Variants in MAP2K1 observed in about 807,000 individuals in gnomAD.
MAP2K1 encodes the protein dual specificity mitogen-activated protein kinase kinase 1.
A neutral mutation model predicts 46.3 loss-of-function variants in MAP2K1; 16 were observed. The ratio of observed to expected loss-of-function variants is 0.35; its 90% CI spans 0.23 to 0.52. The LOEUF (loss-of-function observed/expected upper bound fraction) is 0.52. MAP2K1 is among the 20% of genes least tolerant of loss of function. The probability of loss-of-function intolerance (pLI) is 0.94; values close to 1 mark genes in which losing one functional copy is unlikely to be tolerated. For missense variants in MAP2K1, 263 were observed against 497.1 expected (o/e 0.53, Z 4.48); for synonymous variants, 183 against 185.6 (o/e 0.99, Z 0.11).
At chr15:66,481,360 T>C (rs1233291200) in intron 5 of MAP2K1, among the ~76,000 whole-genome samples, 1 of 152,170 alleles carries the variant, frequency 6.6e-6, no homozygotes, top group Non-Finnish European at 1.5e-5. Flanking sequence ...TATTACTTGT[T>C]TTTTTCTGCC....
Position 66,426,852 on chromosome 15 carries a change from C to A in MAP2K1, c.81-8175C>A, listed in dbSNP as rs573860525. Among the ~76,000 whole-genome samples, 9 of 152,308 alleles carry A rather than the reference C, an allele frequency of 5.9e-5. No individual in the cohort carries two copies. The East Asian group carries it at 1.7e-3, about 29-fold the overall frequency. ...TAAAATTCTCTAATCCTAACATATCCTTCTGTAGTGTTACAAGGATAGAAC... is the reference window on the plus strand; with the variant it reads ...TAAAATTCTCTAATCCTAACATATCATTCTGTAGTGTTACAAGGATAGAAC... On this transcript the variant is annotated intron_variant, in intron 1 of 10. Transcript: ENST00000307102.
At chr15:66,395,177 CTG>C (rs1454299780) in intron 1 of MAP2K1, among the ~76,000 whole-genome samples, 2 of 152,178 alleles carry the variant, frequency 1.3e-5, no homozygotes, top group Non-Finnish European at 2.9e-5. Context: ...CCTGCATATA[CTG>C]TGTTTTTTCC....
chr15:66,403,120 T>G (rs2093386355), intron 1 of MAP2K1, among the ~76,000 whole-genome samples: 1 of 152,234 alleles, frequency 6.6e-6, no homozygotes, highest in Non-Finnish European at 1.5e-5. Context: ...GAGTTCACAC[T>G]GCTGCAGTGG....
chr15:66,477,211 A>G (rs887404448), intron 5 of MAP2K1, among the ~76,000 whole-genome samples: 2 of 152,160 alleles, frequency 1.3e-5, no homozygotes, highest in African/African-American at 4.8e-5. Context: ...AAGCTGTGTT[A>G]TGTAAGTTTG....
intron 5 of MAP2K1, among the ~76,000 whole-genome samples, chr15:66,453,192 G>A (rs1408541075): frequency 2.6e-5 from 4 of 152,156 alleles, no homozygotes; most frequent in Admixed American, 2.6e-4. Context: ...AGGAGAGGGA[G>A]GTTTCAGCAC....
chr15:66,426,897 G>C (rs908310619), intron 1 of MAP2K1, among the ~76,000 whole-genome samples: 3 of 152,186 alleles, frequency 2.0e-5, no homozygotes, highest in Non-Finnish European at 2.9e-5. Flanking sequence ...AAATACCAAG[G>C]CTGTGCTTTT....
At chr15:66,468,643 T>C (rs946831655) in intron 5 of MAP2K1, among the ~76,000 whole-genome samples, 1 of 151,964 alleles carries the variant, frequency 6.6e-6, no homozygotes, top group African/African-American at 2.4e-5. Flanking sequence ...TAAAAAAAAT[T>C]TTTTTTTGGC....
At chr15:66,463,585 C>T (rs111572611) in intron 5 of MAP2K1, among the ~76,000 whole-genome samples, 30,765 of 152,112 alleles carry the variant, frequency 0.2, 3,819 homozygotes, top group Middle Eastern at 0.32. Context: ...TGGGTTCAAG[C>T]GATTCTCCTG....
chr15:66,399,285 A>G (rs1214754886), intron 1 of MAP2K1, among the ~76,000 whole-genome samples: 1 of 152,198 alleles, frequency 6.6e-6, no homozygotes. Flanking sequence ...GTTTGAAAAA[A>G]ATTTGTAATA....
intron 1 of MAP2K1, among the ~76,000 whole-genome samples, chr15:66,391,553 T>C (rs1450914161): frequency 2.0e-5 from 3 of 152,224 alleles, no homozygotes; most frequent in African/African-American, 7.2e-5. Flanking sequence ...ATTACAGGCG[T>C]GAGCCACTGT....
chr15:66,425,625 A>G (rs2093456144), intron 1 of MAP2K1, among the ~76,000 whole-genome samples: 1 of 152,160 alleles, frequency 6.6e-6, no homozygotes, highest in Non-Finnish European at 1.5e-5. Context: ...GGCAGGGGAC[A>G]TTCAAAATTT....
intron 2 of MAP2K1, 69 bp downstream of exon 2, chr15:66,435,306 T>C (rs2093485013): frequency 7.6e-7 from 1 of 1,316,182 alleles, no homozygotes; most frequent in Admixed American, 1.7e-5. Flanking sequence ...GGGACCAGGG[T>C]AGAAGGAAGA....
At chr15:66,468,167 T>C (rs1892513564) in intron 5 of MAP2K1, among the ~76,000 whole-genome samples, 1 of 152,228 alleles carries the variant, frequency 6.6e-6, no homozygotes, top group Non-Finnish European at 1.5e-5. Flanking sequence ...ATTAGAGCTG[T>C]TTTATATTTT....
At chr15:66,478,674 A>G (rs1892840544) in intron 5 of MAP2K1, among the ~76,000 whole-genome samples, 1 of 151,526 alleles carries the variant, frequency 6.6e-6, no homozygotes, top group African/African-American at 2.4e-5. Context: ...CAATTTTTGT[A>G]TTTTTAGTAA....
intron 5 of MAP2K1, among the ~76,000 whole-genome samples, chr15:66,448,349 G>T (rs1891935828): frequency 1.3e-5 from 2 of 152,134 alleles, no homozygotes; most frequent in Admixed American, 1.3e-4. Context: ...TGTATGATGT[G>T]CTAGACACTG....
chr15:66,390,883 C>T (rs12898659), intron 1 of MAP2K1, among the ~76,000 whole-genome samples: 8,614 of 152,124 alleles, frequency 0.057, 347 homozygotes, highest in Middle Eastern at 0.11. Flanking sequence ...ATGGTCTATA[C>T]GCACTGCAGG....
chr15:66,440,509 C>T (rs1477724908), intron 3 of MAP2K1, among the ~76,000 whole-genome samples: 2 of 152,208 alleles, frequency 1.3e-5, no homozygotes, highest in Non-Finnish European at 2.9e-5. Flanking sequence ...ACTGCCCAGT[C>T]TGAATTTTGA....
chr15:66,425,989 TGA>T (rs1206029341), intron 1 of MAP2K1, among the ~76,000 whole-genome samples: 1 of 152,210 alleles, frequency 6.6e-6, no homozygotes, highest in African/African-American at 2.4e-5. Flanking sequence ...CTTGTTAAAC[TGA>T]GAGCAGTGTT....
chr15:66,479,130 T>C (rs1323078622), intron 5 of MAP2K1, among the ~76,000 whole-genome samples: 2 of 151,498 alleles, frequency 1.3e-5, no homozygotes, highest in Non-Finnish European at 2.9e-5. Flanking sequence ...GGAGTCTCAC[T>C]CTGTCACCCA....
Sources: gnomAD v4.1 joint callset for allele counts (sites outside exome capture counted in the v4.1 genomes callset) on GRCh38, gnomAD v4.1.1 for gene constraint, MANE v1.5 for transcripts, NCBI Gene and HGNC (gene_info 2026-07-23, HGNC 2026-07-21) for gene names.